The following EYA3 variants were observed in gnomAD, a reference collection of about 807,000 sequenced individuals.
The protein encoded by EYA3 is protein phosphatase EYA3.
EYA3 carries 39 observed loss-of-function variants against 80.0 expected under a neutral mutation model. That is an observed-to-expected ratio of 0.49 (90% CI 0.38 to 0.64). The LOEUF is 0.64. EYA3 is among the 30% of genes least tolerant of loss of function. The pLI is 0.00. For missense variants in EYA3, 523 were observed against 676.1 expected, an observed-to-expected ratio of 0.77 and a Z score of 2.51; for synonymous variants, 206 against 232.8, an observed-to-expected ratio of 0.88 and a Z score of 1.05.
At chr1:28,030,876 A>G (rs1643100913) in intron 6 of EYA3, among the ~76,000 whole-genome samples, 1 of 152,224 alleles carries the variant, frequency 6.6e-6, no homozygotes. Flanking sequence ...TGCTGATTGT[A>G]TATCACACTT....
At chr1:28,007,264 C>T (rs1052568564) in intron 10 of EYA3, among the ~76,000 whole-genome samples, 8 of 151,600 alleles carry the variant, frequency 5.3e-5, no homozygotes, top group African/African-American at 1.7e-4. Context: ...TGTAGAAAAC[C>T]TTAAATAACC....
At chr1:27,989,646 T>C (rs1261236471) in intron 15 of EYA3, 51 bp downstream of exon 15, 1 of 1,213,136 alleles carries the variant, frequency 8.2e-7, no homozygotes, top group Admixed American at 1.9e-5. Flanking sequence ...TGAACTGGAG[T>C]AGAAGAATAT....
chr1:28,048,322 T>C lies in EYA3; in HGVS notation c.77+61A>G, dbSNP rs1377874433. 8.1e-6 allele frequency: 10 copies of C among 1,227,274 alleles called. No individual in the cohort carries two copies. In the Admixed American group the frequency reaches 1.1e-4, roughly 13 times the overall value. 76.0% of individuals were successfully genotyped at this position (1,227,274 alleles called of 1,614,324 possible). ...AAGCATGCCCATACGCTAATCAGCATGTGAAAAAAAAAAACAAAACTTATG... is the reference window on the plus strand; with the variant it reads ...AAGCATGCCCATACGCTAATCAGCACGTGAAAAAAAAAAACAAAACTTATG... On this transcript the variant is annotated intron_variant, in intron 3 of 17. Coordinates refer to ENST00000373871, the MANE Select transcript of EYA3 (RefSeq NM_001990.4).
At chr1:28,085,592 T>TCAAAC (rs1419334503) in intron 1 of EYA3, among the ~76,000 whole-genome samples, 1 of 151,934 alleles carries the variant, frequency 6.6e-6, no homozygotes, top group African/African-American at 2.4e-5. Flanking sequence ...CCAAAAATAA[T>TCAAAC]CAAACCAAAC....
In EYA3 at chr1:27,977,460, A is replaced by G. The variant is rs41284301; in HGVS notation, c.1641+914T>C. 12,498 of 1,418,494 alleles carry G rather than the reference A, an allele frequency of 8.8e-3. 76 individuals are homozygous for G. The highest frequency in any genetic ancestry group is 0.018 in the African/African-American group (1,231 of 69,756). 87.9% of individuals were successfully genotyped at this position (1,418,494 alleles called of 1,614,324 possible). A position where few individuals can be genotyped will look rare whatever the true frequency, so the allele number is the denominator to read the frequency against. ...ATCCATTTAGCAGATGAGGATACTC[A>G]AAGAGGATAATTGTTCAAATTCACA... On this transcript the variant is annotated intron_variant, in intron 17 of 17. Transcript: ENST00000373871.
At chr1:28,006,981 C>A (rs1641328546) in intron 10 of EYA3, among the ~76,000 whole-genome samples, 1 of 138,662 alleles carries the variant, frequency 7.2e-6, no homozygotes, top group Non-Finnish European at 1.5e-5. Context: ...CGCTCTGTCA[C>A]CCAGGCTGAA....
intron 11 of EYA3, among the ~76,000 whole-genome samples, chr1:28,003,267 C>A (rs1557551916): frequency 8.1e-6 from 1 of 123,364 alleles, no homozygotes; most frequent in African/African-American, 3.1e-5. Flanking sequence ...GAGACTCCGT[C>A]TCAAACAACA....
At chr1:28,044,614 T>C (rs1643934112) in intron 3 of EYA3, among the ~76,000 whole-genome samples, 1 of 152,048 alleles carries the variant, frequency 6.6e-6, no homozygotes, top group African/African-American at 2.4e-5. Context: ...AAGGTAAGAG[T>C]AGTTTCTACA....
rs1458663944 is a variant in EYA3, at chr1:27,970,983, T to G, written c.*3483A>C. On this transcript the variant is annotated 3_prime_UTR_variant, in exon 18 of 18. Coordinates refer to ENST00000373871, the MANE Select transcript of EYA3 (RefSeq NM_001990.4). ...GCTAGAGTTTGCAAGTCAGATTCTA[T>G]TTGGAATTTTAAAGCTGAGTTTGTG... 1.3e-5 allele frequency: 2 copies of G among 152,186 alleles called. No homozygotes were observed. The highest frequency in any genetic ancestry group is 2.9e-5 in the Non-Finnish European group (2 of 68,048). 9.4% of individuals were successfully genotyped at this position (152,186 alleles called of 1,614,324 possible). A position where few individuals can be genotyped will look rare whatever the true frequency, so the allele number is the denominator to read the frequency against.
At chr1:27,981,013 A>C (rs1639264625) in intron 16 of EYA3, among the ~76,000 whole-genome samples, 1 of 152,218 alleles carries the variant, frequency 6.6e-6, no homozygotes, top group Non-Finnish European at 1.5e-5. Context: ...ACTGCACTCC[A>C]GCCTAGGTAC....
Position 28,068,403 on chromosome 1 carries a change from A to G in EYA3, c.-68-10309T>C, listed in dbSNP as rs565065823. ...CTACTTATTCCTTTTCTTTCATTAC[A>G]TCTCTATCCTATGTTACATTACTTT... On this transcript the variant is annotated intron_variant, in intron 1 of 17. Transcript: ENST00000373871. Among the ~76,000 whole-genome samples, 110 of 151,822 alleles carry G rather than the reference A, an allele frequency of 7.2e-4. 2 individuals are homozygous for G. The highest frequency in any genetic ancestry group is 2.6e-3 in the African/African-American group (108 of 41,464).
At position 28,012,818 on chromosome 1, in the gene EYA3, A is replaced by T. The variant is rs1641783080; in HGVS notation, c.769+293T>A. On this transcript the variant is annotated intron_variant, in intron 9 of 17. Coordinates refer to ENST00000373871, the MANE Select transcript of EYA3 (RefSeq NM_001990.4). ...AGTCCTCCAACTTTTACAAAATATT[A>T]TAACATGCTGAAGCTCCCTGTGGCA... Among the ~76,000 whole-genome samples the T allele has an allele frequency of 2.0e-5, 3 of 152,320 alleles. No individual in the cohort carries two copies. In the Middle Eastern group the frequency reaches 0.01, roughly 518 times the overall value.
intron 12 of EYA3, among the ~76,000 whole-genome samples, chr1:27,998,886 A>AG (rs1422585130): frequency 2.0e-5 from 3 of 152,114 alleles, no homozygotes; most frequent in Admixed American, 6.6e-5. Context: ...CTCCTGCCTC[A>AG]GCCTCCTGAG....
chr1:27,999,021 G>A lies in EYA3; in HGVS notation c.1083+939C>T, dbSNP rs183619800. On this transcript the variant is annotated intron_variant, in intron 12 of 17. Coordinates refer to ENST00000373871, the MANE Select transcript of EYA3 (RefSeq NM_001990.4). ...TGACCTCAAGTGATCTGCCCGCCTC[G>A]GCCTCCCAAAGTTTTGGGATTACAG... Among the ~76,000 whole-genome samples the A allele has an allele frequency of 1.8e-4, 28 of 152,176 alleles. 1 individual carries two copies. Among genetic ancestry groups the A allele is most frequent in the Non-Finnish European group, 2.5e-4 (17 of 67,994 alleles).
intron 12 of EYA3, chr1:27,998,285 T>TG: frequency 1.0e-6 from 1 of 984,870 alleles, no homozygotes; most frequent in Non-Finnish European, 1.2e-6. Flanking sequence ...AGCACTGACC[T>TG]GGGGGGCAGG....
intron 1 of EYA3, among the ~76,000 whole-genome samples, chr1:28,061,458 A>T (rs574945314): frequency 6.6e-6 from 1 of 152,362 alleles, no homozygotes; most frequent in South Asian, 2.1e-4. Context: ...ATCAAAAGTC[A>T]TACTTACTAG....
At chr1:28,007,601 G>A (rs1641384240) in intron 10 of EYA3, among the ~76,000 whole-genome samples, 1 of 152,012 alleles carries the variant, frequency 6.6e-6, no homozygotes, top group African/African-American at 2.4e-5. Flanking sequence ...CCAAAGTGCT[G>A]GGATTACAGA....
chr1:28,002,149 A>G (rs1364196275), intron 11 of EYA3, among the ~76,000 whole-genome samples: 1 of 152,010 alleles, frequency 6.6e-6, no homozygotes, highest in Non-Finnish European at 1.5e-5. Flanking sequence ...TCCTGACCTC[A>G]GCTGATCTGC....
chr1:28,033,880 G>A (rs1372840185), intron 6 of EYA3, among the ~76,000 whole-genome samples: 7 of 150,812 alleles, frequency 4.6e-5, no homozygotes, highest in Non-Finnish European at 7.4e-5. Context: ...GGCTGGTCTC[G>A]AACTCCCGGC....
Sources: allele counts gnomAD v4.1 joint callset (sites outside exome capture counted in the v4.1 genomes callset), GRCh38; gene constraint gnomAD v4.1.1; transcripts MANE v1.5; gene names NCBI Gene and HGNC (gene_info 2026-07-23, HGNC 2026-07-21).